The following POLR3G variants were observed in gnomAD, a reference collection of about 807,000 sequenced individuals.
POLR3G encodes the protein RNA polymerase III subunit G, also known as DNA-directed RNA polymerase III subunit RPC7.
A neutral mutation model predicts 30.1 loss-of-function variants in POLR3G; 28 were observed. The observed-to-expected ratio is 0.93, with a 90% CI of 0.69 to 1.27. The LOEUF is 1.27. Ranked by LOEUF, POLR3G falls within the 50% of genes most tolerant of loss-of-function variation. POLR3G has a pLI of 0.00. For missense variants in POLR3G, 254 were observed against 264.6 expected (o/e 0.96, Z 0.28); for synonymous variants, 79 against 82.5 (o/e 0.96, Z 0.23).
intron 1 of POLR3G, among the ~76,000 whole-genome samples, chr5:90,475,976 G>T (rs1208759726): frequency 1.2e-4 from 19 of 152,174 alleles, no homozygotes; most frequent in South Asian, 2.1e-4. Flanking sequence ...CTCCCAAAGT[G>T]CTGGGATTAC....
chr5:90,507,448 A>G (rs1316610831), intron 7 of POLR3G, among the ~76,000 whole-genome samples: 1 of 152,236 alleles, frequency 6.6e-6, no homozygotes, highest in Non-Finnish European at 1.5e-5. Flanking sequence ...TTGTATTAGT[A>G]TAAACAGAGA....
chr5:90,507,749 A>C (rs917459092), intron 7 of POLR3G, among the ~76,000 whole-genome samples: 4 of 152,164 alleles, frequency 2.6e-5, no homozygotes, highest in African/African-American at 9.7e-5. Flanking sequence ...TTTAAGTCTA[A>C]ACATTTAAAA....
intron 7 of POLR3G, 142 bp downstream of exon 7, chr5:90,506,816 C>T (rs1292707146): frequency 7.6e-7 from 1 of 1,318,802 alleles, no homozygotes; most frequent in Non-Finnish European, 9.9e-7. Flanking sequence ...GCATCGATTC[C>T]TTGCTATCAA....
chr5:90,477,615 G>A (rs987499934), intron 1 of POLR3G, among the ~76,000 whole-genome samples: 4 of 152,258 alleles, frequency 2.6e-5, no homozygotes, highest in East Asian at 1.9e-4. Flanking sequence ...GAATAATACC[G>A]TGACTTGACT....
intron 1 of POLR3G, among the ~76,000 whole-genome samples, chr5:90,481,509 C>G (rs915616924): frequency 1.6e-4 from 24 of 152,152 alleles, no homozygotes; most frequent in African/African-American, 5.1e-4. Context: ...CAGTTGATGT[C>G]TCCTGAGACC....
rs544606274 is a variant in POLR3G, at chr5:90,488,799, T to C, written c.247+670T>C. On this transcript the variant is annotated intron_variant, in intron 3 of 7. Transcript: ENST00000651687. ...TAGGTGTTTGATATGATGTAAAATATGTATTCATTGGTGCTGCTTAGGGAA... is the reference window on the plus strand; with the variant it reads ...TAGGTGTTTGATATGATGTAAAATACGTATTCATTGGTGCTGCTTAGGGAA... Among the ~76,000 whole-genome samples the C allele has an allele frequency of 2.0e-5, 3 of 149,064 alleles. No individual in the cohort carries two copies. The East Asian group carries it at 5.8e-4, about 29-fold the overall frequency.
At position 90,488,026 on chromosome 5, in the gene POLR3G, G is replaced by A; in HGVS notation, c.144G>A (p.Leu48=). Reference sequence around the variant, plus strand: ...ATACAGATTATAAACCAGTGCCACTGAAAACAGGAGAAGGTGAAGAATATA... The same window carrying A: ...ATACAGATTATAAACCAGTGCCACTAAAAACAGGAGAAGGTGAAGAATATA... ...FPDTDYKPVP[L]KTGEGEEYML... Residue 48 remains leucine, a synonymous_variant, in exon 3 of 8, where the codon CTG becomes CTA. Transcript: ENST00000651687. 1 of 1,606,552 alleles carries A rather than the reference G, an allele frequency of 6.2e-7. No individual in the cohort carries two copies. The highest frequency in any genetic ancestry group is 1.1e-5 in the South Asian group (1 of 89,480).
Position 90,512,317 on chromosome 5 carries a change from T to C in POLR3G, c.*178T>C. On this transcript the variant is annotated 3_prime_UTR_variant, in exon 8 of 8. Coordinates refer to ENST00000651687, the MANE Select transcript of POLR3G (RefSeq NM_006467.3). ...TACATACTAGTTACCTTAAAAATTA[T>C]TCCCTGACACTCTGACATTCCTTCT... 1 of 545,146 alleles carries C rather than the reference T, an allele frequency of 1.8e-6. No individual in the cohort carries two copies. The highest frequency in any genetic ancestry group is 3.4e-6 in the Non-Finnish European group (1 of 296,138). 33.8% of individuals were successfully genotyped at this position (545,146 alleles called of 1,614,324 possible).
At chr5:90,505,398 G>A (rs1009238438) in intron 6 of POLR3G, among the ~76,000 whole-genome samples, 1 of 152,084 alleles carries the variant, frequency 6.6e-6, no homozygotes, top group African/African-American at 2.4e-5. Flanking sequence ...ACAATTTAGT[G>A]AACAGATAGT....
At chr5:90,503,746 G>A (rs1428636593) in intron 6 of POLR3G, among the ~76,000 whole-genome samples, 9 of 152,100 alleles carry the variant, frequency 5.9e-5, no homozygotes, top group African/African-American at 1.7e-4. Context: ...TAGAGCATTC[G>A]TGGATGGAGA....
At chr5:90,498,933 G>A (rs769393916) in intron 5 of POLR3G, among the ~76,000 whole-genome samples, 1 of 152,146 alleles carries the variant, frequency 6.6e-6, no homozygotes, top group Non-Finnish European at 1.5e-5. Context: ...AGGGTTCTTT[G>A]AGGACATGGA....
chr5:90,488,309 T>A (rs949623278), intron 3 of POLR3G, among the ~76,000 whole-genome samples, 180 bp downstream of exon 3: 3 of 152,210 alleles, frequency 2.0e-5, no homozygotes, highest in Admixed American at 2.0e-4. Context: ...TTTGATATTT[T>A]ATTTTTAGAA....
chr5:90,485,836 T>G, intron 2 of POLR3G, 152 bp downstream of exon 2: 1 of 558,330 alleles, frequency 1.8e-6, no homozygotes, highest in Non-Finnish European at 3.1e-6. Context: ...AATATTTTCA[T>G]GATCTGCTTT....
Position 90,501,933 on chromosome 5 carries a change from A to T in POLR3G, c.383A>T (p.Asp128Val), listed in dbSNP as rs1439754505. 1 of 1,613,458 alleles carries T rather than the reference A, an allele frequency of 6.2e-7. No homozygotes were observed. Among genetic ancestry groups the T allele is most frequent in the Admixed American group, 1.7e-5 (1 of 59,988 alleles). ...KAGPKPKKAKDAGKGTPLTNT... is the reference protein window; with the variant it reads ...KAGPKPKKAKVAGKGTPLTNT... ...GGCCCAAAACCCAAAAAGGCAAAAG[A>T]CGCAGGCAAAGGCACACCACTCACT... Residue 128 changes from aspartate (D) to valine (V), a missense_variant, in exon 6 of 8, where the codon GAC becomes GTC. Coordinates refer to ENST00000651687, the MANE Select transcript of POLR3G (RefSeq NM_006467.3).
At chr5:90,508,964 G>A (rs756605936) in intron 7 of POLR3G, among the ~76,000 whole-genome samples, 1 of 152,162 alleles carries the variant, frequency 6.6e-6, no homozygotes, top group Non-Finnish European at 1.5e-5. Context: ...GGGAGGCTGA[G>A]GCAGGAGAAT....
upstream of POLR3G, chr5:90,474,737 C>T (rs930079110): frequency 5.7e-5 from 11 of 193,116 alleles, no homozygotes; most frequent in Non-Finnish European, 2.1e-5. Flanking sequence ...GCACTCCCAG[C>T]TGGCGCAGAA....
chr5:90,513,305 C>A lies in POLR3G; in HGVS notation c.*1166C>A, dbSNP rs977749944. ...AATATGAGAATCAGATCCCTAGATT[C>A]TATTTCTACCTATACTATTAAACTC... is the stretch of plus-strand genomic sequence containing the variant. On this transcript the variant is annotated 3_prime_UTR_variant, in exon 8 of 8. Transcript: ENST00000651687. 6.6e-6 allele frequency: 1 copy of A among 152,570 alleles called. No individual in the cohort carries two copies. Among genetic ancestry groups the A allele is most frequent in the African/African-American group, 2.4e-5 (1 of 41,450 alleles). The allele number at this position is 152,570 out of a possible 1,614,324, so 9.5% of individuals were successfully genotyped here. A position where few individuals can be genotyped will look rare whatever the true frequency, so the allele number is the denominator to read the frequency against.
At chr5:90,490,575 T>A in intron 3 of POLR3G, 1 of 362,936 alleles carries the variant, frequency 2.8e-6, no homozygotes, top group Non-Finnish European at 5.4e-6. Flanking sequence ...CTTTTAATTT[T>A]TTTTTTTTTT....
chr5:90,502,242 T>C (rs1340803873), intron 6 of POLR3G: 17 of 983,592 alleles, frequency 1.7e-5, no homozygotes, highest in Non-Finnish European at 2.1e-5. Context: ...TTTTTCACTG[T>C]ATCCCCCTTT....
Sources: allele counts gnomAD v4.1 joint callset (sites outside exome capture counted in the v4.1 genomes callset), GRCh38; gene constraint gnomAD v4.1.1; transcripts MANE v1.5; gene names NCBI Gene and HGNC (gene_info 2026-07-23, HGNC 2026-07-21).